The following PIP4K2A variants were observed in gnomAD, a reference collection of about 807,000 sequenced individuals.
PIP4K2A encodes phosphatidylinositol-5-phosphate 4-kinase type 2 alpha, also known as phosphatidylinositol 5-phosphate 4-kinase type-2 alpha.
PIP4K2A carries 14 observed loss-of-function variants against 42.9 expected under a neutral mutation model. The observed-to-expected ratio is 0.33, with a 90% CI of 0.22 to 0.51. The LOEUF (loss-of-function observed/expected upper bound fraction) is 0.51, where lower values mean the gene tolerates loss of function less well. Among genes scored for constraint, PIP4K2A ranks in the 20% least tolerant of loss-of-function variants. PIP4K2A has a pLI of 0.97. For synonymous variants in PIP4K2A, 192 were observed against 192.2 expected, an observed-to-expected ratio of 1.00 and a Z score of 0.01; for missense variants, 434 against 519.8, an observed-to-expected ratio of 0.83 and a Z score of 1.61.
At chr10:22,604,824 G>A (rs1417212426) in intron 3 of PIP4K2A, among the ~76,000 whole-genome samples, 1 of 152,190 alleles carries the variant, frequency 6.6e-6, no homozygotes, top group East Asian at 1.9e-4. Context: ...TGTGCCAAAT[G>A]ATACCTGTTA....
chr10:22,646,289 G>C (rs1429991536), intron 1 of PIP4K2A: 2 of 152,204 alleles, frequency 1.3e-5, no homozygotes, highest in East Asian at 3.9e-4. Flanking sequence ...AATGAGACAA[G>C]AGGAATAGAG....
At chr10:22,688,595 G>A (rs1401915655) in intron 1 of PIP4K2A, among the ~76,000 whole-genome samples, 1 of 152,086 alleles carries the variant, frequency 6.6e-6, no homozygotes, top group Non-Finnish European at 1.5e-5. Context: ...TGAGACTACA[G>A]GCACTCACCA....
In PIP4K2A at chr10:22,700,132, C is replaced by T. The variant is rs187680391; in HGVS notation, c.144+14051G>A. Among the ~76,000 whole-genome samples, 14 of 152,284 alleles carry T rather than the reference C, an allele frequency of 9.2e-5. No homozygotes were observed. The East Asian group carries it at 2.3e-3, about 25-fold the overall frequency. On this transcript the variant is annotated intron_variant, in intron 1 of 9. Transcript: ENST00000376573. The stretch of plus-strand genomic sequence containing the variant: ...AAAACGGATACAAGAGCAAGGTATG[C>T]AGTCCTGTTTCTCAATTTGGCTTGC...
chr10:22,689,262 A>G lies in PIP4K2A; in HGVS notation c.144+24921T>C, dbSNP rs185844917. Among the ~76,000 whole-genome samples the G allele has an allele frequency of 4.6e-5, 7 of 151,970 alleles. No homozygotes were observed. In the East Asian group the frequency reaches 1.4e-3, roughly 30 times the overall value. On this transcript the variant is annotated intron_variant, in intron 1 of 9. Transcript: ENST00000376573. ...ACACTGAGCTTACTTCTGAGCACTC[A>G]GTTAATAAAGGCCTGTACATTGAAA...
intron 1 of PIP4K2A, among the ~76,000 whole-genome samples, chr10:22,689,306 C>T (rs1014488792): frequency 3.9e-5 from 6 of 152,172 alleles, no homozygotes; most frequent in Admixed American, 3.9e-4. Flanking sequence ...TAAAAAACAA[C>T]AACAAAAAAA....
intron 1 of PIP4K2A, among the ~76,000 whole-genome samples, chr10:22,652,907 A>G (rs558431086): frequency 3.9e-5 from 6 of 152,256 alleles, no homozygotes; most frequent in Non-Finnish European, 8.8e-5. Flanking sequence ...CAGCCTGAGT[A>G]ACATAATGAG....
chr10:22,551,404 G>A (rs980657525), intron 6 of PIP4K2A, among the ~76,000 whole-genome samples: 49 of 152,266 alleles, frequency 3.2e-4, no homozygotes, highest in African/African-American at 1.2e-3. Context: ...TAACATAAAC[G>A]TATTAAGATC....
At chr10:22,669,341 A>C (rs1188545174) in intron 1 of PIP4K2A, among the ~76,000 whole-genome samples, 1 of 152,218 alleles carries the variant, frequency 6.6e-6, no homozygotes, top group East Asian at 1.9e-4. Context: ...TGGGGCAGGC[A>C]ACACCACCTA....
intron 1 of PIP4K2A, among the ~76,000 whole-genome samples, chr10:22,652,869 G>C (rs183510808): frequency 2.0e-5 from 3 of 152,312 alleles, no homozygotes; most frequent in Admixed American, 6.5e-5. Flanking sequence ...TGAGGCTTGA[G>C]GATCACTCGA....
intron 1 of PIP4K2A, among the ~76,000 whole-genome samples, chr10:22,689,100 T>C (rs1891877): frequency 0.57 from 87,067 of 151,986 alleles, 28,232 homozygotes; most frequent in African/African-American, 0.89. Flanking sequence ...CTGGTGGAAC[T>C]CTTCAGGAGC....
chr10:22,608,051 C>T, intron 2 of PIP4K2A, 28 bp from the exon 3 acceptor site: 2 of 1,453,022 alleles, frequency 1.4e-6, no homozygotes, highest in Non-Finnish European at 1.9e-6. Context: ...TGGAATAAAG[C>T]TCAGAGAGAG....
At chr10:22,593,977 G>A (rs1837568838) in intron 3 of PIP4K2A, among the ~76,000 whole-genome samples, 1 of 152,124 alleles carries the variant, frequency 6.6e-6, no homozygotes, top group Non-Finnish European at 1.5e-5. Flanking sequence ...TCCTCTCATG[G>A]GCCAATAGGG....
intron 5 of PIP4K2A, among the ~76,000 whole-genome samples, chr10:22,570,759 A>G (rs1233711266): frequency 6.6e-6 from 1 of 152,200 alleles, no homozygotes; most frequent in Non-Finnish European, 1.5e-5. Flanking sequence ...AATAATGCAA[A>G]AACAATGGTG....
intron 1 of PIP4K2A, among the ~76,000 whole-genome samples, chr10:22,678,543 G>GT (rs1468703198): frequency 6.6e-6 from 1 of 152,088 alleles, no homozygotes; most frequent in African/African-American, 2.4e-5. Flanking sequence ...AAAATAAGCT[G>GT]TTGAAAGAGC....
intron 4 of PIP4K2A, among the ~76,000 whole-genome samples, chr10:22,587,208 A>G (rs1319737755): frequency 6.6e-6 from 1 of 152,162 alleles, no homozygotes; most frequent in Non-Finnish European, 1.5e-5. Context: ...CTGTGGCTGC[A>G]TTTCCTTAAA....
chr10:22,537,317 T>C, intron 9 of PIP4K2A, 36 bp from the exon 10 acceptor site: 3 of 1,480,248 alleles, frequency 2.0e-6, no homozygotes, highest in Non-Finnish European at 2.8e-6. Flanking sequence ...ATTGACATAG[T>C]GTTTATGATT....
chr10:22,537,043 G>A lies in PIP4K2A; in HGVS notation c.*158C>T, dbSNP rs1196191053. The A allele has an allele frequency of 1.8e-5, 11 of 606,554 alleles. No homozygotes were observed. The highest frequency in any genetic ancestry group is 9.3e-5 in the Admixed American group (3 of 32,404). The allele number at this position is 606,554 out of a possible 1,614,324, so 37.6% of individuals were successfully genotyped here. Reference sequence around the variant, plus strand: ...TGGGAAAATCAGGTAGCTGTAAAGCGAGTAGCCCCCAAATCAGTCATCTTG... The same window carrying A: ...TGGGAAAATCAGGTAGCTGTAAAGCAAGTAGCCCCCAAATCAGTCATCTTG... On this transcript the variant is annotated 3_prime_UTR_variant, in exon 10 of 10. Transcript: ENST00000376573.
Position 22,565,957 on chromosome 10 carries a change from C to G in PIP4K2A, c.678+1894G>C, listed in dbSNP as rs181048814. Among the ~76,000 whole-genome samples, 248 of 152,230 alleles carry G rather than the reference C, an allele frequency of 1.6e-3. 2 individuals are homozygous for G. Among genetic ancestry groups the G allele is most frequent in the Non-Finnish European group, 3.0e-3 (204 of 68,020 alleles). ...AAATTCCCACCTAATAAATTTTGGT[C>G]AGACCGGTTGATCTCAAAACCCTGT... On this transcript the variant is annotated intron_variant, in intron 6 of 9. Coordinates refer to ENST00000376573, the MANE Select transcript of PIP4K2A (RefSeq NM_005028.5).
chr10:22,541,612 C>T (rs746203), intron 8 of PIP4K2A, among the ~76,000 whole-genome samples, 192 bp downstream of exon 8: 85,090 of 151,860 alleles, frequency 0.56, 24,958 homozygotes, highest in South Asian at 0.73. Flanking sequence ...AAGGTCCGAT[C>T]GCCTTATGTT....
Sources: allele counts gnomAD v4.1 joint callset (sites outside exome capture counted in the v4.1 genomes callset), GRCh38; gene constraint gnomAD v4.1.1; transcripts MANE v1.5; gene names NCBI Gene and HGNC (gene_info 2026-07-23, HGNC 2026-07-21).